CIMIP1: variants seen among roughly 807,000 people sequenced by gnomAD.
CIMIP1 encodes ciliary microtubule inner protein 1.
At chr20:58,158,603 T>C in the CIMIP1 span, among the ~76,000 whole-genome samples, 1 of 151,680 alleles carries the variant, frequency 6.6e-6, no homozygotes, top group Non-Finnish European at 1.5e-5. Context: ...TGAGCCGAGA[T>C]CGTGCCACTG....
At chr20:58,151,839 T>C in the CIMIP1 span, among the ~76,000 whole-genome samples, 1 of 152,226 alleles carries the variant, frequency 6.6e-6, no homozygotes, top group Non-Finnish European at 1.5e-5. Context: ...TACATCCATT[T>C]TCTAAAAGAT....
the CIMIP1 span, among the ~76,000 whole-genome samples, chr20:58,152,722 CAAAAAAAAAAAAAA>C: frequency 1.2e-5 from 1 of 84,888 alleles, no homozygotes; most frequent in Non-Finnish European, 2.3e-5. Flanking sequence ...GAAACTCCAT[CAAAAAAAAAAAAAA>C]AAAAAAAAAG....
the CIMIP1 span, among the ~76,000 whole-genome samples, chr20:58,157,551 C>A: frequency 6.6e-6 from 1 of 152,222 alleles, no homozygotes; most frequent in Non-Finnish European, 1.5e-5. Flanking sequence ...CCCTGGACAT[C>A]TTTCCATGCA....
chr20:58,152,789 T>C, the CIMIP1 span, among the ~76,000 whole-genome samples: 1 of 150,882 alleles, frequency 6.6e-6, no homozygotes, highest in East Asian at 2.0e-4. Context: ...ATGTAGTTAC[T>C]AGAACATTTC....
At chr20:58,156,786 G>C in the CIMIP1 span, among the ~76,000 whole-genome samples, 1 of 152,154 alleles carries the variant, frequency 6.6e-6, no homozygotes, top group African/African-American at 2.4e-5. Context: ...TTTTGGCTGG[G>C]AGTTCTGCCC....
chr20:58,153,311 G>A, the CIMIP1 span, among the ~76,000 whole-genome samples: 5 of 152,188 alleles, frequency 3.3e-5, no homozygotes, highest in African/African-American at 1.2e-4. Context: ...GCCCTTACCC[G>A]GCATTCCCTC....
the CIMIP1 span, among the ~76,000 whole-genome samples, chr20:58,159,200 T>TTTC: frequency 6.7e-6 from 1 of 150,078 alleles, no homozygotes; most frequent in Non-Finnish European, 1.5e-5. Flanking sequence ...TTTTTTTTTT[T>TTTC]TTTTGCATCT....
the CIMIP1 span, among the ~76,000 whole-genome samples, chr20:58,156,603 T>C: frequency 1.3e-5 from 2 of 152,124 alleles, no homozygotes; most frequent in Non-Finnish European, 2.9e-5. Flanking sequence ...ATTGGAAAGA[T>C]GGCTCTCATT....
the CIMIP1 span, chr20:58,155,417 AT>A: frequency 3.4e-6 from 5 of 1,450,688 alleles, no homozygotes; most frequent in Admixed American, 8.9e-5. Context: ...GTTTCAGTAC[AT>A]TTCCCCCAGC....
the CIMIP1 span, among the ~76,000 whole-genome samples, chr20:58,159,321 G>T: frequency 3.3e-3 from 492 of 150,938 alleles, 5 homozygotes; most frequent in African/African-American, 0.011. Flanking sequence ...TTCGAGACCA[G>T]CCTGACCAAC....
the CIMIP1 span, among the ~76,000 whole-genome samples, chr20:58,152,722 CAAAAAAAA>C: frequency 1.9e-3 from 158 of 84,872 alleles, 1 homozygote; most frequent in Middle Eastern, 6.9e-3. Flanking sequence ...GAAACTCCAT[CAAAAAAAA>C]AAAAAAAAAA....
chr20:58,154,797 AT>A, the CIMIP1 span, among the ~76,000 whole-genome samples: 2 of 152,192 alleles, frequency 1.3e-5, no homozygotes, highest in African/African-American at 2.4e-5. Flanking sequence ...ACTTTTTGGC[AT>A]TTTTTGTTAG....
At chr20:58,160,960 AC>A in the CIMIP1 span, 2 of 944,194 alleles carry the variant, frequency 2.1e-6, no homozygotes, top group Non-Finnish European at 1.5e-6. Context: ...TGCAAAGAAC[AC>A]AAAGTGTGCC....
At chr20:58,160,467 A>C in the CIMIP1 span, among the ~76,000 whole-genome samples, 100 of 152,332 alleles carry the variant, frequency 6.6e-4, no homozygotes, top group Admixed American at 4.1e-3. Flanking sequence ...ATAAAGAAAC[A>C]TGTTTGATGT....
At chr20:58,160,758 C>T in the CIMIP1 span, 29 of 1,614,014 alleles carry the variant, frequency 1.8e-5, no homozygotes, top group Middle Eastern at 3.3e-4. Context: ...CTCGACGATG[C>T]GATCAGAAGC....
the CIMIP1 span, among the ~76,000 whole-genome samples, chr20:58,159,476 T>C: frequency 6.6e-6 from 1 of 151,312 alleles, no homozygotes; most frequent in African/African-American, 2.4e-5. Flanking sequence ...GATTGCGCCA[T>C]TGCACCCTAG....
the CIMIP1 span, chr20:58,160,924 C>T: frequency 7.7e-7 from 1 of 1,294,278 alleles, no homozygotes; most frequent in South Asian, 1.5e-5. Context: ...AGGACACAGT[C>T]CCCTGCGTAC....
chr20:58,158,342 C>T, the CIMIP1 span, among the ~76,000 whole-genome samples: 1 of 152,334 alleles, frequency 6.6e-6, no homozygotes, highest in East Asian at 1.9e-4. Context: ...CTCCAAACTT[C>T]CTTTCTTGCC....
At chr20:58,153,440 C>A in the CIMIP1 span, 1 of 855,870 alleles carries the variant, frequency 1.2e-6, no homozygotes. Context: ...GTCCCTGGTG[C>A]AGAACCACTG....
Sources: gnomAD v4.1 joint callset for allele counts (sites outside exome capture counted in the v4.1 genomes callset) on GRCh38, gnomAD v4.1.1 for gene constraint, MANE v1.5 for transcripts, NCBI Gene and HGNC (gene_info 2026-07-23, HGNC 2026-07-21) for gene names.